Variants in FRMD6 observed in about 807,000 individuals in gnomAD.
The protein encoded by FRMD6 is FERM domain containing 6.
FRMD6 carries 37 observed loss-of-function variants against 73.2 expected under a neutral mutation model. The observed-to-expected ratio is 0.51, with a 90% CI of 0.39 to 0.66. FRMD6 has a LOEUF of 0.66. Among genes scored for constraint, FRMD6 ranks in the 30% least tolerant of loss-of-function variants. FRMD6 has a pLI of 0.00. For missense variants in FRMD6, 714 were observed against 780.5 expected (o/e 0.91, Z 1.02); for synonymous variants, 273 against 282.2 (o/e 0.97, Z 0.33).
At chr14:51,417,846 A>AT in the FRMD6 span, among the ~76,000 whole-genome samples, 67 of 151,048 alleles carry the variant, frequency 4.4e-4, no homozygotes, top group South Asian at 2.3e-3. Flanking sequence ...GGCTTTGTTC[A>AT]TTTTTTTTTA....
At chr14:51,466,829 A>T in the FRMD6 span, among the ~76,000 whole-genome samples, 2 of 152,226 alleles carry the variant, frequency 1.3e-5, no homozygotes, top group Admixed American at 1.3e-4. Context: ...ATTTGGGGAT[A>T]ATTGCTATCA....
At chr14:51,723,291 CTG>C (rs756302039) in intron 12 of FRMD6, among the ~76,000 whole-genome samples, 1 of 152,096 alleles carries the variant, frequency 6.6e-6, no homozygotes, top group Non-Finnish European at 1.5e-5. Context: ...GGTCTAAAAA[CTG>C]TGTATGCCGC....
chr14:51,484,853 G>A (rs1200726015), upstream of FRMD6, among the ~76,000 whole-genome samples: 1 of 152,168 alleles, frequency 6.6e-6, no homozygotes, highest in Non-Finnish European at 1.5e-5. Flanking sequence ...AAGCAATTTT[G>A]AAACTTTGAA....
chr14:51,494,678 T>C (rs1171087757), intron 1 of FRMD6, among the ~76,000 whole-genome samples: 1 of 152,202 alleles, frequency 6.6e-6, no homozygotes, highest in Non-Finnish European at 1.5e-5. Flanking sequence ...CTCACCCCCA[T>C]GGCTGCACTC....
chr14:51,603,664 G>A (rs1415422988), intron 2 of FRMD6, among the ~76,000 whole-genome samples: 1 of 152,128 alleles, frequency 6.6e-6, no homozygotes, highest in Admixed American at 6.5e-5. Context: ...GCATCAAACT[G>A]CTCACTGGGG....
In FRMD6 at chr14:51,704,909, G is replaced by C. The variant is rs781384641; in HGVS notation, c.532G>C (p.Glu178Gln). 2.5e-6 allele frequency: 4 copies of C among 1,609,692 alleles called. No individual in the cohort carries two copies. The highest frequency in any genetic ancestry group is 1.7e-6 in the Non-Finnish European group (2 of 1,177,052). Residue 178 changes from glutamate (E) to glutamine (Q), a missense_variant, in exon 6 of 14, where the codon GAG becomes CAG. Physicochemically the swap from Glu to Gln is conservative, Grantham distance 29. Coordinates refer to ENST00000344768, the MANE Select transcript of FRMD6 (RefSeq NM_001267046.2). ...GAATAAGCACTATGGAAAATACTTCGAGCCAGAGGCTTACTTCCCATCTTG... is the reference window on the plus strand; with the variant it reads ...GAATAAGCACTATGGAAAATACTTCCAGCCAGAGGCTTACTTCCCATCTTG... ...KRNKHYGKYF[E>Q]PEAYFPSWVV...
the FRMD6 span, among the ~76,000 whole-genome samples, chr14:51,433,452 T>C: frequency 6.6e-6 from 1 of 152,212 alleles, no homozygotes. Flanking sequence ...AGAATATGTG[T>C]AGTATACTAT....
chr14:51,398,444 A>G, the FRMD6 span, among the ~76,000 whole-genome samples: 6 of 152,190 alleles, frequency 3.9e-5, no homozygotes, highest in Admixed American at 2.0e-4. Context: ...TTACTCAAGA[A>G]CAATAGCTAT....
intron 1 of FRMD6, among the ~76,000 whole-genome samples, chr14:51,523,310 T>C (rs1885047136): frequency 6.6e-6 from 1 of 152,164 alleles, no homozygotes; most frequent in Non-Finnish European, 1.5e-5. Context: ...TAAAATGTTA[T>C]GCTACCTCCC....
At chr14:51,582,222 G>C (rs1406488394) in intron 2 of FRMD6, among the ~76,000 whole-genome samples, 1 of 152,152 alleles carries the variant, frequency 6.6e-6, no homozygotes, top group East Asian at 1.9e-4. Context: ...TTGTTTATGT[G>C]GGGAAGGGCA....
chr14:51,437,493 G>A, the FRMD6 span, among the ~76,000 whole-genome samples: 3 of 152,092 alleles, frequency 2.0e-5, no homozygotes, highest in South Asian at 2.1e-4. Context: ...TAGTAGAGAC[G>A]GGATTTCACC....
intron 2 of FRMD6, among the ~76,000 whole-genome samples, chr14:51,629,615 C>T (rs949108878): frequency 2.6e-5 from 4 of 152,116 alleles, no homozygotes; most frequent in Non-Finnish European, 5.9e-5. Flanking sequence ...GTAACAGACC[C>T]TTTGATGTCT....
intron 2 of FRMD6, among the ~76,000 whole-genome samples, chr14:51,691,582 ATTTTGATTT>A (rs1274877461): frequency 1.4e-3 from 148 of 105,514 alleles, no homozygotes; most frequent in African/African-American, 4.5e-3. Context: ...ATTTATTTTG[ATTTTGATTT>A]TTTTTTTTTT....
At chr14:51,531,040 G>A (rs928557407) in intron 1 of FRMD6, among the ~76,000 whole-genome samples, 3 of 152,174 alleles carry the variant, frequency 2.0e-5, no homozygotes, top group African/African-American at 7.2e-5. Context: ...GAGGGTGAGG[G>A]AGAGCAAAAG....
chr14:51,682,946 G>A (rs150709195), intron 1 of FRMD6, among the ~76,000 whole-genome samples: 4 of 152,218 alleles, frequency 2.6e-5, no homozygotes, highest in Non-Finnish European at 5.9e-5. Flanking sequence ...GTGATCAATA[G>A]CCCCACTGGA....
At chr14:51,475,312 AATGCCTT>A in the FRMD6 span, among the ~76,000 whole-genome samples, 1 of 152,196 alleles carries the variant, frequency 6.6e-6, no homozygotes, top group African/African-American at 2.4e-5. Context: ...AGATTTAAGA[AATGCCTT>A]ATTTTTCATG....
intron 2 of FRMD6, among the ~76,000 whole-genome samples, chr14:51,695,336 G>A (rs539642217): frequency 3.3e-5 from 5 of 152,284 alleles, no homozygotes; most frequent in African/African-American, 1.2e-4. Flanking sequence ...GAATTACGAT[G>A]ATAATGGAAC....
chr14:51,672,507 A>G (rs1445487428), intron 1 of FRMD6, among the ~76,000 whole-genome samples: 1 of 152,302 alleles, frequency 6.6e-6, no homozygotes, highest in African/African-American at 2.4e-5. Flanking sequence ...TCAATTAAAA[A>G]TGTAAAAAGA....
intron 10 of FRMD6, among the ~76,000 whole-genome samples, chr14:51,719,485 G>A (rs1303688830): frequency 6.6e-6 from 1 of 152,174 alleles, no homozygotes; most frequent in Admixed American, 6.5e-5. Context: ...ATTTTAAATT[G>A]TATTCAGCAG....
Sources: allele counts gnomAD v4.1 joint callset (sites outside exome capture counted in the v4.1 genomes callset), GRCh38; gene constraint gnomAD v4.1.1; transcripts MANE v1.5; gene names NCBI Gene and HGNC (gene_info 2026-07-23, HGNC 2026-07-21).